IQGAP2: variants seen among roughly 807,000 people sequenced by gnomAD.
The protein encoded by IQGAP2 is ras GTPase-activating-like protein IQGAP2.
Under a neutral mutation model 201.3 loss-of-function variants are expected in IQGAP2, and 173 were observed. The observed-to-expected ratio is 0.86, with a 90% CI of 0.76 to 0.98. The LOEUF (loss-of-function observed/expected upper bound fraction) is 0.98, where lower values mean the gene tolerates loss of function less well. Among genes scored for constraint, IQGAP2 ranks in the 50% least tolerant of loss-of-function variants. IQGAP2 has a pLI of 0.00. For missense variants in IQGAP2, 1,687 were observed against 1,864.8 expected, an observed-to-expected ratio of 0.90 and a Z score of 1.76; for synonymous variants, 675 against 673.9, an observed-to-expected ratio of 1.00 and a Z score of -0.03.
chr5:76,454,627 A>G (rs1197908898), intron 1 of IQGAP2, among the ~76,000 whole-genome samples: 1 of 150,930 alleles, frequency 6.6e-6, no homozygotes, highest in African/African-American at 2.4e-5. Flanking sequence ...TGAACTCATC[A>G]TTTTTTATGG....
chr5:76,420,603 T>C (rs1751677292), intron 1 of IQGAP2, among the ~76,000 whole-genome samples: 1 of 152,120 alleles, frequency 6.6e-6, no homozygotes, highest in South Asian at 2.1e-4. Flanking sequence ...TCTCGAACTC[T>C]TGACCTTGTG....
intron 1 of IQGAP2, among the ~76,000 whole-genome samples, chr5:76,408,465 G>A (rs114188894): frequency 0.016 from 2,465 of 152,280 alleles, 86 homozygotes; most frequent in African/African-American, 0.056. Flanking sequence ...GGTGGCAGAG[G>A]AACTTGAAAG....
chr5:76,665,149 T>C lies in IQGAP2; in HGVS notation c.2653T>C (p.Tyr885His), dbSNP rs781303227. Residue 885 changes from tyrosine to histidine, a missense_variant, in exon 22 of 36, where the codon TAT (tyrosine) becomes CAT (histidine). By Grantham distance (83) the Tyr-to-His change is moderately conservative. Transcript: ENST00000274364. The stretch of plus-strand genomic sequence containing the variant: ...GGAGAGGAGAAAAACACTAGAAACA[T>C]ATCAGCAGCTGTTTTACCTTTTACA... Reference protein sequence around the residue: ...SKERRKTLETYQQLFYLLQTN... With the variant: ...SKERRKTLETHQQLFYLLQTN... The C allele has an allele frequency of 1.2e-6, 2 of 1,613,522 alleles. No homozygotes were observed. The highest frequency in any genetic ancestry group is 1.7e-6 in the Non-Finnish European group (2 of 1,179,644).
intron 2 of IQGAP2, among the ~76,000 whole-genome samples, chr5:76,527,683 G>T (rs1164745998): frequency 6.6e-6 from 1 of 152,206 alleles, no homozygotes; most frequent in Non-Finnish European, 1.5e-5. Context: ...GGCCATCATT[G>T]TGATCATTTA....
chr5:76,535,269 A>G (rs1186781067), intron 2 of IQGAP2, among the ~76,000 whole-genome samples: 1 of 151,998 alleles, frequency 6.6e-6, no homozygotes, highest in Non-Finnish European at 1.5e-5. Flanking sequence ...TAATCTAGAA[A>G]CCTGTTGCAG....
intron 2 of IQGAP2, among the ~76,000 whole-genome samples, chr5:76,506,415 C>T (rs1757608574): frequency 6.6e-6 from 1 of 152,158 alleles, no homozygotes; most frequent in Non-Finnish European, 1.5e-5. Context: ...AAAGCAGTGG[C>T]ATGAACTTAT....
At chr5:76,583,646 G>A (rs1006766764) in intron 5 of IQGAP2, among the ~76,000 whole-genome samples, 4 of 152,136 alleles carry the variant, frequency 2.6e-5, no homozygotes, top group Non-Finnish European at 4.4e-5. Flanking sequence ...GCACCACCTT[G>A]TGGTAACTTT....
chr5:76,411,985 G>A (rs1435920585), intron 1 of IQGAP2, among the ~76,000 whole-genome samples: 3 of 152,106 alleles, frequency 2.0e-5, no homozygotes, highest in Non-Finnish European at 4.4e-5. Context: ...ATGGGGGGCT[G>A]GACAGTAAGA....
chr5:76,442,010 G>T (rs1427228456), intron 1 of IQGAP2, among the ~76,000 whole-genome samples: 3 of 152,164 alleles, frequency 2.0e-5, no homozygotes. Flanking sequence ...GAATAGCCAT[G>T]GGAGGAAAGA....
intron 34 of IQGAP2, chr5:76,701,866 C>T (rs1561612363): frequency 2.0e-5 from 3 of 152,706 alleles, no homozygotes; most frequent in Non-Finnish European, 4.4e-5. Flanking sequence ...GATGGAGTCT[C>T]ACTCTGCGGC....
chr5:76,652,730 TA>T lies in IQGAP2; in HGVS notation c.2095-18del. 1.3e-6 allele frequency: 2 copies of T among 1,543,852 alleles called. No homozygotes were observed. Among genetic ancestry groups the T allele is most frequent in the Non-Finnish European group, 1.8e-6 (2 of 1,115,758 alleles). ...GGAAACTTGCTGGTAAATAATTCTA[TA>T]ACCCACTCTTTTCCTTAGGCTTTTT... On this transcript the variant is annotated intron_variant, in intron 17 of 35. Coordinates refer to ENST00000274364, the MANE Select transcript of IQGAP2 (RefSeq NM_006633.5).
At chr5:76,437,653 T>G (rs1033797752) in intron 1 of IQGAP2, among the ~76,000 whole-genome samples, 4 of 152,204 alleles carry the variant, frequency 2.6e-5, no homozygotes, top group Non-Finnish European at 5.9e-5. Flanking sequence ...TGTGTTAGTT[T>G]GCTGAGGATA....
At chr5:76,654,111 C>G in intron 18 of IQGAP2, 89 bp from the exon 19 acceptor site, 1 of 833,704 alleles carries the variant, frequency 1.2e-6, no homozygotes, top group Non-Finnish European at 1.9e-6. Context: ...AGAAAAACTA[C>G]ACAAAACCGT....
intron 13 of IQGAP2, among the ~76,000 whole-genome samples, chr5:76,612,718 T>C (rs1199467622): frequency 6.6e-6 from 1 of 151,596 alleles, no homozygotes; most frequent in East Asian, 1.9e-4. Flanking sequence ...GATGTGCACA[T>C]AGATGGAATA....
chr5:76,593,437 C>A (rs1174847179), intron 9 of IQGAP2, among the ~76,000 whole-genome samples: 2 of 152,140 alleles, frequency 1.3e-5, no homozygotes, highest in Non-Finnish European at 2.9e-5. Flanking sequence ...ATGATGGCAG[C>A]TTTGAGTCCC....
At chr5:76,670,234 G>T (rs556435789) in intron 23 of IQGAP2, among the ~76,000 whole-genome samples, 8 of 152,172 alleles carry the variant, frequency 5.3e-5, no homozygotes, top group African/African-American at 1.9e-4. Flanking sequence ...CAAAAAGGCC[G>T]GGCACGGTGG....
At chr5:76,454,867 C>A (rs554447236) in intron 1 of IQGAP2, among the ~76,000 whole-genome samples, 1 of 152,304 alleles carries the variant, frequency 6.6e-6, no homozygotes, top group South Asian at 2.1e-4. Flanking sequence ...GGAATCACCA[C>A]ACTAACTTCC....
chr5:76,629,955 A>C (rs1298962928), intron 14 of IQGAP2, among the ~76,000 whole-genome samples: 2 of 152,214 alleles, frequency 1.3e-5, no homozygotes, highest in Non-Finnish European at 2.9e-5. Flanking sequence ...AAAAGCAATC[A>C]AAATAGATAT....
Position 76,403,726 on chromosome 5 carries a change from G to A in IQGAP2, c.46+135G>A. ...AGGCAGCAACTGCGCGGCTGGCAAA[G>A]TTGGGAGCTGGAGTTGCAAAGGGCA... On this transcript the variant is annotated intron_variant, in intron 1 of 35. Coordinates refer to ENST00000274364, the MANE Select transcript of IQGAP2 (RefSeq NM_006633.5). This position sits in a 1 kb window ranked among gnomAD's most constrained non-coding sequence, Gnocchi z 4.8. 1.5e-6 allele frequency: 1 copy of A among 663,006 alleles called. No homozygotes were observed. Among genetic ancestry groups the A allele is most frequent in the Non-Finnish European group, 2.3e-6 (1 of 434,688 alleles). 41.1% of individuals were successfully genotyped at this position (663,006 alleles called of 1,614,324 possible).
Sources: allele counts gnomAD v4.1 joint callset (sites outside exome capture counted in the v4.1 genomes callset), GRCh38; gene constraint gnomAD v4.1.1; non-coding constraint Gnocchi (gnomAD v3.1); transcripts MANE v1.5; gene names NCBI Gene and HGNC (gene_info 2026-07-23, HGNC 2026-07-21).